Variants in CNTN6 observed in about 807,000 individuals in gnomAD.
The protein encoded by CNTN6 is contactin 6.
A neutral mutation model predicts 122.8 loss-of-function variants in CNTN6; 137 were observed. That is an observed-to-expected ratio of 1.12 (90% confidence interval 0.97 to 1.29). The LOEUF is 1.29. CNTN6 is among the 50% of genes most tolerant of loss of function. The probability of loss-of-function intolerance (pLI) is 0.00; values close to 1 mark genes in which losing one functional copy is unlikely to be tolerated. For missense variants in CNTN6, 1,634 were observed against 1,223.4 expected, an observed-to-expected ratio of 1.34 and a Z score of -5.01; for synonymous variants, 570 against 426.0, an observed-to-expected ratio of 1.34 and a Z score of -4.16.
At chr3:1,232,986 CT>C (rs1182890640) in intron 4 of CNTN6, among the ~76,000 whole-genome samples, 1 of 152,070 alleles carries the variant, frequency 6.6e-6, no homozygotes, top group Non-Finnish European at 1.5e-5. Flanking sequence ...GGCAAAAGAC[CT>C]GAGAACTGAA....
chr3:1,365,389 A>G (rs1380860505), intron 12 of CNTN6, among the ~76,000 whole-genome samples: 1 of 152,046 alleles, frequency 6.6e-6, no homozygotes, highest in Non-Finnish European at 1.5e-5. Flanking sequence ...TCAAATTTCC[A>G]TAATAGTCTC....
intron 12 of CNTN6, among the ~76,000 whole-genome samples, chr3:1,364,815 A>ATATCATC (rs1707978557): frequency 6.6e-6 from 1 of 151,982 alleles, no homozygotes; most frequent in Non-Finnish European, 1.5e-5. Context: ...GCTATTCATC[A>ATATCATC]AAAGCGTCAC....
At chr3:1,162,082 G>A (rs2093147763) in intron 2 of CNTN6, among the ~76,000 whole-genome samples, 1 of 151,992 alleles carries the variant, frequency 6.6e-6, no homozygotes, top group Non-Finnish European at 1.5e-5. Context: ...TTGGTTTACC[G>A]AACCTTGCAG....
chr3:1,108,523 T>G (rs1363702123), intron 1 of CNTN6, among the ~76,000 whole-genome samples: 2 of 151,982 alleles, frequency 1.3e-5, no homozygotes, highest in African/African-American at 4.8e-5. Flanking sequence ...TTGTAGATCT[T>G]GAAGCGTTTC....
intron 1 of CNTN6, among the ~76,000 whole-genome samples, chr3:1,107,906 T>G (rs2091300129): frequency 6.6e-6 from 1 of 152,030 alleles, no homozygotes; most frequent in Admixed American, 6.6e-5. Context: ...CCGAAATTAT[T>G]TAAGAGTATA....
intron 7 of CNTN6, 152 bp downstream of exon 7, chr3:1,298,143 A>T: frequency 1.7e-6 from 1 of 599,294 alleles, no homozygotes; most frequent in African/African-American, 1.9e-5. Flanking sequence ...GAATTTAAAC[A>T]AACATGTCTA....
At chr3:1,206,298 G>C (rs1396586771) in intron 2 of CNTN6, among the ~76,000 whole-genome samples, 1 of 151,966 alleles carries the variant, frequency 6.6e-6, no homozygotes, top group Admixed American at 6.6e-5. Context: ...GGAAATAAGA[G>C]AAAAAAACAG....
chr3:1,360,738 A>C (rs575369343), intron 12 of CNTN6, among the ~76,000 whole-genome samples: 1 of 152,060 alleles, frequency 6.6e-6, no homozygotes, highest in Non-Finnish European at 1.5e-5. Context: ...CAGCTCAGAT[A>C]TTTCTCTTCA....
At chr3:1,104,711 G>C (rs1029860515) in intron 1 of CNTN6, among the ~76,000 whole-genome samples, 2 of 152,008 alleles carry the variant, frequency 1.3e-5, no homozygotes, top group African/African-American at 4.8e-5. Flanking sequence ...CTATTACTCT[G>C]CATGTGGCAT....
At chr3:1,389,721 T>C (rs377590809) in intron 20 of CNTN6, among the ~76,000 whole-genome samples, 18,768 of 142,102 alleles carry the variant, frequency 0.13, 1,538 homozygotes, top group Non-Finnish European at 0.17. Flanking sequence ...GAAGATCTAC[T>C]GAGCCAATGG....
chr3:1,263,039 C>G (rs553245222), intron 4 of CNTN6, among the ~76,000 whole-genome samples: 1 of 152,202 alleles, frequency 6.6e-6, no homozygotes, highest in African/African-American at 2.4e-5. Flanking sequence ...AGTTTTTAAA[C>G]AAGTTACTTA....
intron 7 of CNTN6, among the ~76,000 whole-genome samples, chr3:1,303,267 T>G (rs1343968954): frequency 6.6e-6 from 1 of 152,212 alleles, no homozygotes; most frequent in Non-Finnish European, 1.5e-5. Flanking sequence ...AAAAGTTTCA[T>G]TGTATTTGAG....
chr3:1,202,163 CAT>C (rs1178410067), intron 2 of CNTN6, among the ~76,000 whole-genome samples: 1 of 152,096 alleles, frequency 6.6e-6, no homozygotes, highest in East Asian at 1.9e-4. Context: ...TGGTGAAAAA[CAT>C]AGAAACATGT....
At chr3:1,283,564 G>A (rs548922697) in intron 5 of CNTN6, among the ~76,000 whole-genome samples, 1 of 152,300 alleles carries the variant, frequency 6.6e-6, no homozygotes, top group Admixed American at 6.5e-5. Flanking sequence ...AGTTAGTCCA[G>A]CCTCATAGGA....
intron 1 of CNTN6, among the ~76,000 whole-genome samples, chr3:1,120,206 C>T (rs1038176750): frequency 1.3e-5 from 2 of 151,806 alleles, no homozygotes; most frequent in South Asian, 2.1e-4. Context: ...TGGGTAGATA[C>T]ATGTTTTCAT....
rs2092296799 is a variant in CNTN6 at position 1,130,103 on chromosome 3, A to G, written c.-82-17824A>G. On this transcript the variant is annotated intron_variant, in intron 1 of 22. Coordinates refer to ENST00000446702, the MANE Select transcript of CNTN6 (RefSeq NM_001289080.2). ...TAATGAAAAAGCCGATTGCAAAACA[A>G]GAAGATTGATTAGGGGTAATAAGCT... Among the ~76,000 whole-genome samples, 3 of 152,062 alleles carry G rather than the reference A, an allele frequency of 2.0e-5. No individual in the cohort carries two copies. In the South Asian group the frequency reaches 6.2e-4, roughly 31 times the overall value.
chr3:1,122,095 T>G (rs1050184553), intron 1 of CNTN6, among the ~76,000 whole-genome samples: 4 of 151,926 alleles, frequency 2.6e-5, no homozygotes, highest in African/African-American at 9.7e-5. Context: ...TTTTTGCAAA[T>G]CAATTACAGC....
At chr3:1,376,488 C>T (rs923633605) in intron 16 of CNTN6, among the ~76,000 whole-genome samples, 8 of 152,014 alleles carry the variant, frequency 5.3e-5, no homozygotes, top group South Asian at 2.1e-4. Flanking sequence ...TCTTCTCTCC[C>T]GAGAGATTTG....
At chr3:1,331,669 G>C (rs1385242203) in intron 11 of CNTN6, among the ~76,000 whole-genome samples, 1 of 151,814 alleles carries the variant, frequency 6.6e-6, no homozygotes, top group Admixed American at 6.6e-5. Flanking sequence ...TTGTACTGAG[G>C]GTCTGGACAA....
Sources: gnomAD v4.1 joint callset for allele counts (sites outside exome capture counted in the v4.1 genomes callset) on GRCh38, gnomAD v4.1.1 for gene constraint, MANE v1.5 for transcripts, NCBI Gene and HGNC (gene_info 2026-07-23, HGNC 2026-07-21) for gene names.